The following KDM4C variants were observed in gnomAD, a reference collection of about 807,000 sequenced individuals.
KDM4C encodes the protein lysine-specific demethylase 4C.
KDM4C carries 81 observed loss-of-function variants against 129.3 expected under a neutral mutation model. The ratio of observed to expected loss-of-function variants is 0.63; its 90% confidence interval spans 0.52 to 0.75. The LOEUF (loss-of-function observed/expected upper bound fraction) is 0.75, where lower values mean the gene tolerates loss of function less well. KDM4C is among the 30% of genes least tolerant of loss of function. The pLI is 0.00. For synonymous variants in KDM4C, 573 were observed against 456.1 expected, an observed-to-expected ratio of 1.26 and a Z score of -3.26; for missense variants, 1,457 against 1,304.0, an observed-to-expected ratio of 1.12 and a Z score of -1.81.
intron 3 of KDM4C, among the ~76,000 whole-genome samples, chr9:6,809,331 A>C (rs1830724056): frequency 6.6e-6 from 1 of 152,212 alleles, no homozygotes. Flanking sequence ...TGTTGAAACA[A>C]GATTGCAGAG....
intron 12 of KDM4C, among the ~76,000 whole-genome samples, chr9:7,000,217 A>G (rs1387822907): frequency 6.6e-6 from 1 of 152,114 alleles, no homozygotes; most frequent in African/African-American, 2.4e-5. Context: ...GTTGATTTTT[A>G]CTGTAGTATG....
At chr9:6,881,980 G>A (rs998575273) in intron 6 of KDM4C, among the ~76,000 whole-genome samples, 7 of 152,232 alleles carry the variant, frequency 4.6e-5, no homozygotes, top group Admixed American at 1.3e-4. Flanking sequence ...TCTTGTCTGC[G>A]CATCATAATT....
rs35671520 is a variant in KDM4C at position 7,005,435 on chromosome 9, C to CAAA, written c.1787-6248_1787-6246dup. Among the ~76,000 whole-genome samples the CAAA allele has an allele frequency of 2.3e-3, 290 of 124,046 alleles. 5 individuals are homozygous for CAAA. Among genetic ancestry groups the CAAA allele is most frequent in the African/African-American group, 6.3e-3 (205 of 32,478 alleles). 81.4% of individuals were successfully genotyped at this position (124,046 alleles called of 152,430 possible). On this transcript the variant is annotated intron_variant, in intron 12 of 21. Transcript: ENST00000381309. ...GGGCAACAAAAGTGAAACTCTGTCT[C>CAAA]AAAAAAAAAAAAAAAAAGACCACAT...
intron 19 of KDM4C, among the ~76,000 whole-genome samples, chr9:7,158,524 G>C (rs1843437013): frequency 6.6e-6 from 1 of 152,122 alleles, no homozygotes. Flanking sequence ...ATGTGTCCCA[G>C]AGATTCTGGT....
At chr9:6,775,622 A>C (rs2130689413) in intron 1 of KDM4C, among the ~76,000 whole-genome samples, 1 of 151,714 alleles carries the variant, frequency 6.6e-6, no homozygotes, top group African/African-American at 2.4e-5. Context: ...ACGCAGGTTC[A>C]AGCAATTCTT....
intron 8 of KDM4C, among the ~76,000 whole-genome samples, chr9:6,943,669 T>C (rs1272448049): frequency 7.2e-6 from 1 of 138,022 alleles, no homozygotes; most frequent in Non-Finnish European, 1.6e-5. Flanking sequence ...AGGGAAATCT[T>C]GTCTCAAAAA....
intron 8 of KDM4C, among the ~76,000 whole-genome samples, chr9:6,954,372 T>G (rs1828704725): frequency 6.6e-6 from 1 of 152,150 alleles, no homozygotes; most frequent in South Asian, 2.1e-4. Flanking sequence ...TGTCTGTATT[T>G]TCGTAGAACT....
chr9:7,028,026 C>T (rs1055429202), intron 15 of KDM4C, among the ~76,000 whole-genome samples: 1 of 152,146 alleles, frequency 6.6e-6, no homozygotes, highest in Non-Finnish European at 1.5e-5. Context: ...TAAAGAAATG[C>T]TAAGAGCCAA....
At chr9:6,830,734 T>C (rs940328251) in intron 4 of KDM4C, among the ~76,000 whole-genome samples, 1 of 152,182 alleles carries the variant, frequency 6.6e-6, no homozygotes, top group East Asian at 1.9e-4. Context: ...AGAATGAAAA[T>C]GAGGCCACTG....
chr9:6,854,507 A>G (rs796748208), intron 5 of KDM4C, among the ~76,000 whole-genome samples: 20 of 146,802 alleles, frequency 1.4e-4, no homozygotes, highest in African/African-American at 4.5e-4. Flanking sequence ...CCTGGGCAAC[A>G]AGAGCGAAAC....
chr9:6,903,198 C>T (rs371518444), intron 8 of KDM4C, among the ~76,000 whole-genome samples: 41 of 152,142 alleles, frequency 2.7e-4, no homozygotes, highest in Admixed American at 1.4e-3. Flanking sequence ...AGCATATTCC[C>T]AGTTCTTAGG....
intron 5 of KDM4C, among the ~76,000 whole-genome samples, chr9:6,853,420 G>A (rs1003653412): frequency 2.0e-5 from 3 of 152,168 alleles, no homozygotes; most frequent in African/African-American, 7.2e-5. Context: ...TGAGCCCGGG[G>A]AGGTCAAGGC....
intron 3 of KDM4C, among the ~76,000 whole-genome samples, chr9:6,814,424 G>A (rs1831706914): frequency 6.6e-6 from 1 of 152,126 alleles, no homozygotes; most frequent in Admixed American, 6.6e-5. Flanking sequence ...CTAATAAAAT[G>A]TAAAGTAATA....
chr9:7,041,207 T>C (rs1296900326), intron 15 of KDM4C, among the ~76,000 whole-genome samples: 2 of 152,034 alleles, frequency 1.3e-5, no homozygotes, highest in African/African-American at 4.8e-5. Context: ...TTTTTCCTTG[T>C]CATTATTCCC....
intron 1 of KDM4C, chr9:6,721,170 C>G (rs922330660): frequency 2.1e-6 from 1 of 478,050 alleles, no homozygotes; most frequent in East Asian, 3.6e-5. Context: ...ACATCCCAGG[C>G]TCAGGTGATT....
At chr9:7,156,207 G>A (rs1053312990) in intron 19 of KDM4C, among the ~76,000 whole-genome samples, 1 of 152,136 alleles carries the variant, frequency 6.6e-6, no homozygotes, top group African/African-American at 2.4e-5. Context: ...GAGGTTGTTT[G>A]TTCTTTTTCT....
Position 6,806,722 on chromosome 9 carries a change from G to C in KDM4C, c.320+948G>C, listed in dbSNP as rs182267376. Among the ~76,000 whole-genome samples, 5 of 152,098 alleles carry C rather than the reference G, an allele frequency of 3.3e-5. No individual in the cohort carries two copies. In the East Asian group the frequency reaches 9.7e-4, roughly 29 times the overall value. On this transcript the variant is annotated intron_variant, in intron 3 of 21. Transcript: ENST00000381309. Reference sequence around the variant, plus strand: ...GCTCCCCTTTCATGGCTTTTGATGGGGTCCTCAGTTCCTTGTCATATGGAC... The same window carrying C: ...GCTCCCCTTTCATGGCTTTTGATGGCGTCCTCAGTTCCTTGTCATATGGAC...
chr9:6,914,543 A>G (rs1361695931), intron 8 of KDM4C, among the ~76,000 whole-genome samples: 1 of 152,226 alleles, frequency 6.6e-6, no homozygotes, highest in Non-Finnish European at 1.5e-5. Context: ...TTGACATTAA[A>G]AAACATTAGC....
intron 4 of KDM4C, among the ~76,000 whole-genome samples, chr9:6,827,660 C>T (rs1588538618): frequency 6.6e-6 from 1 of 152,168 alleles, no homozygotes; most frequent in Non-Finnish European, 1.5e-5. Flanking sequence ...TTTATCATGT[C>T]AGGATATCAT....
Sources: gnomAD v4.1 joint callset for allele counts (sites outside exome capture counted in the v4.1 genomes callset) on GRCh38, gnomAD v4.1.1 for gene constraint, MANE v1.5 for transcripts, NCBI Gene and HGNC (gene_info 2026-07-23, HGNC 2026-07-21) for gene names.